The following AGTPBP1 variants were observed in gnomAD, a reference collection of about 807,000 sequenced individuals.
AGTPBP1 encodes ATP/GTP binding carboxypeptidase 1.
A neutral mutation model predicts 143.9 loss-of-function variants in AGTPBP1; 70 were observed. The ratio of observed to expected loss-of-function variants is 0.49; its 90% CI spans 0.40 to 0.59. The LOEUF (loss-of-function observed/expected upper bound fraction) is 0.59. Ranked by LOEUF, AGTPBP1 falls within the 20% of genes least tolerant of loss-of-function variation. The pLI, the probability that AGTPBP1 is intolerant of heterozygous loss-of-function variation, is 0.00. For missense variants in AGTPBP1, 1,229 were observed against 1,464.5 expected, an observed-to-expected ratio of 0.84 and a Z score of 2.62; for synonymous variants, 463 against 500.2, an observed-to-expected ratio of 0.93 and a Z score of 0.99.
intron 17 of AGTPBP1, among the ~76,000 whole-genome samples, chr9:85,614,043 T>A (rs1237721214): frequency 1.3e-5 from 2 of 151,984 alleles, no homozygotes; most frequent in South Asian, 2.1e-4. Context: ...TCTGATTTTT[T>A]AAAAAAAGAA....
chr9:85,677,634 C>T, intron 5 of AGTPBP1, 52 bp from the exon 6 acceptor site: 1 of 1,379,314 alleles, frequency 7.2e-7, no homozygotes, highest in East Asian at 2.7e-5. Context: ...AAAAAATTAA[C>T]AAATTTAAAC....
intron 11 of AGTPBP1, among the ~76,000 whole-genome samples, chr9:85,652,248 C>T (rs1181551211): frequency 6.6e-6 from 1 of 152,120 alleles, no homozygotes; most frequent in African/African-American, 2.4e-5. Flanking sequence ...CAGTGGCTCA[C>T]GCCTGTAATC....
the AGTPBP1 span, among the ~76,000 whole-genome samples, chr9:85,753,753 A>G: frequency 8.1e-6 from 1 of 123,384 alleles, no homozygotes; most frequent in African/African-American, 3.1e-5. Flanking sequence ...ACTCCCTCTC[A>G]ATAAATAGAT....
At chr9:85,646,682 G>A (rs905110641) in intron 11 of AGTPBP1, among the ~76,000 whole-genome samples, 21 of 152,102 alleles carry the variant, frequency 1.4e-4, no homozygotes, top group South Asian at 6.2e-4. Context: ...CTTATGTTGC[G>A]ATAGCCTGAA....
intron 1 of AGTPBP1, among the ~76,000 whole-genome samples, chr9:85,738,482 T>A (rs185435184): frequency 8.5e-5 from 13 of 152,280 alleles, no homozygotes; most frequent in Non-Finnish European, 1.3e-4. Flanking sequence ...GGAAACAACA[T>A]ACAATATTCT....
rs183519777 is a variant in AGTPBP1, at chr9:85,722,448, C to G, written c.-33-9882G>C. On this transcript the variant is annotated intron_variant, in intron 1 of 25. Transcript: ENST00000357081. ...TCTTCAATCACTAATATCCTTTCTT[C>G]GACTTGATCGAATCAGCTATTGAAG... Among the ~76,000 whole-genome samples the G allele has an allele frequency of 1.3e-3, 191 of 152,274 alleles. 1 individual carries two copies. The highest frequency in any genetic ancestry group is 3.7e-3 in the African/African-American group (155 of 41,552).
chr9:85,569,490 A>G (rs1448872743), intron 25 of AGTPBP1, among the ~76,000 whole-genome samples: 1 of 152,208 alleles, frequency 6.6e-6, no homozygotes, highest in African/African-American at 2.4e-5. Context: ...CAGGCTTAAA[A>G]GCAGCAAGTA....
chr9:85,745,141 A>G (rs1474062024), upstream of AGTPBP1, among the ~76,000 whole-genome samples: 2 of 152,222 alleles, frequency 1.3e-5, no homozygotes, highest in African/African-American at 2.4e-5. Flanking sequence ...GAGCCCAGCT[A>G]TCTCTTTCTC....
chr9:85,764,732 G>C, the AGTPBP1 span: 3 of 1,251,154 alleles, frequency 2.4e-6, no homozygotes, highest in Admixed American at 3.4e-5. Context: ...TAGTTTGAAA[G>C]TATCAACTCG....
chr9:85,772,313 A>T, the AGTPBP1 span, among the ~76,000 whole-genome samples: 13 of 152,278 alleles, frequency 8.5e-5, no homozygotes, highest in African/African-American at 2.9e-4. Context: ...GGCTAAGGTC[A>T]GTGGATTTTC....
At chr9:85,691,539 GTGTGTGTGTGT>G (rs1564149920) in intron 3 of AGTPBP1, among the ~76,000 whole-genome samples, 17 of 146,448 alleles carry the variant, frequency 1.2e-4, no homozygotes, top group African/African-American at 4.1e-4. Context: ...AAAAGAGGGT[GTGTGTGTGTGT>G]GTGTGTGTGT....
At position 85,585,487 on chromosome 9, in the gene AGTPBP1, A is replaced by G. The variant is rs1017831083; in HGVS notation, c.3141T>C (p.Asp1047=). Residue 1047 remains aspartate, a synonymous_variant, in exon 23 of 26, where the codon GAT becomes GAC. Transcript: ENST00000357081. The part of the protein sequence containing the change: ...WHTNDNATSC[D]VVEDTGYRTL... ...CCCTGTATCCCGTATCCTCCACAAC[A>G]TCACATGAAGTTGCATTATCATTGG... 4 of 1,607,838 alleles carry G rather than the reference A, an allele frequency of 2.5e-6. No homozygotes were observed. Among genetic ancestry groups the G allele is most frequent in the Non-Finnish European group, 3.4e-6 (4 of 1,177,446 alleles).
intron 10 of AGTPBP1, among the ~76,000 whole-genome samples, chr9:85,656,411 T>C (rs1055222555): frequency 1.3e-5 from 2 of 152,152 alleles, no homozygotes; most frequent in Admixed American, 1.3e-4. Context: ...CTAGGAATAG[T>C]AAAAACAAGT....
At chr9:85,693,988 T>C in intron 2 of AGTPBP1, among the ~76,000 whole-genome samples, 1 of 152,094 alleles carries the variant, frequency 6.6e-6, no homozygotes. Flanking sequence ...CCATGTTCTA[T>C]GAACAATGAG....
At chr9:85,696,003 A>G (rs571574832) in intron 2 of AGTPBP1, among the ~76,000 whole-genome samples, 3,631 of 152,094 alleles carry the variant, frequency 0.024, 151 homozygotes, top group African/African-American at 0.083. Context: ...CATTACACCC[A>G]GCTAATTTTT....
rs377236183 is a variant in AGTPBP1 at position 85,641,609 on chromosome 9, G to A, written c.1302+1218C>T. 1.2e-4 allele frequency among the ~76,000 whole-genome samples: 18 copies of A among 152,110 alleles called. No homozygotes were observed. In the East Asian group the frequency reaches 1.5e-3, roughly 13 times the overall value. On this transcript the variant is annotated intron_variant, in intron 13 of 25. Coordinates refer to ENST00000357081, the MANE Select transcript of AGTPBP1 (RefSeq NM_001330701.2). Reference sequence around the variant, plus strand: ...GGAAGGCTGCAGAAGGTGGACAGTTGTTGCATCTTTTATGGCATCTAAGGC... The same window carrying A: ...GGAAGGCTGCAGAAGGTGGACAGTTATTGCATCTTTTATGGCATCTAAGGC...
chr9:85,657,831 C>T lies in AGTPBP1; in HGVS notation c.701-188G>A, dbSNP rs79333341. ...ATATGAAGTTCCAGAGAGAAAATTA[C>T]AACCTCTTCCAAAATCTGCCTGTGT... is the stretch of plus-strand genomic sequence containing the variant. On this transcript the variant is annotated intron_variant, in intron 9 of 25. Coordinates refer to ENST00000357081, the MANE Select transcript of AGTPBP1 (RefSeq NM_001330701.2). Among the ~76,000 whole-genome samples, 1,498 of 152,170 alleles carry T rather than the reference C, an allele frequency of 9.8e-3. 21 individuals carry two copies. The highest frequency in any genetic ancestry group is 0.034 in the African/African-American group (1,403 of 41,530).
chr9:85,724,920 T>C (rs1838374506), intron 1 of AGTPBP1, among the ~76,000 whole-genome samples: 1 of 152,194 alleles, frequency 6.6e-6, no homozygotes. Context: ...AGCAAGAAAG[T>C]CTTCATTTTT....
At chr9:85,563,669 G>A (rs1001898800) in intron 25 of AGTPBP1, among the ~76,000 whole-genome samples, 6 of 152,118 alleles carry the variant, frequency 3.9e-5, no homozygotes, top group African/African-American at 1.4e-4. Flanking sequence ...TACCAAGGGT[G>A]TAGCAAAAGG....
Sources: gnomAD v4.1 joint callset for allele counts (sites outside exome capture counted in the v4.1 genomes callset) on GRCh38, gnomAD v4.1.1 for gene constraint, MANE v1.5 for transcripts, NCBI Gene and HGNC (gene_info 2026-07-23, HGNC 2026-07-21) for gene names.